ACYP2: variants seen among roughly 807,000 people sequenced by gnomAD.
The protein encoded by ACYP2 is acylphosphatase 2, also known as acylphosphatase-2.
In ACYP2, 12 loss-of-function variants were observed where a neutral mutation model predicts 11.2. That is an observed-to-expected ratio of 1.08 (90% CI 0.69 to 1.74). ACYP2 has a LOEUF of 1.74. ACYP2 is among the 40% of genes most tolerant of loss of function. The pLI is 0.00. For missense variants in ACYP2, 134 were observed against 101.9 expected (o/e 1.31, Z -1.35); for synonymous variants, 43 against 32.2 (o/e 1.33, Z -1.13).
intron 6 of ACYP2, among the ~76,000 whole-genome samples, chr2:54,222,482 G>A (rs552319180): frequency 4.0e-5 from 6 of 151,510 alleles, no homozygotes; most frequent in African/African-American, 7.3e-5. Flanking sequence ...CCCAGGAGGC[G>A]GAGGTTGCAG....
chr2:54,039,235 T>C (rs12616263), intron 2 of ACYP2, among the ~76,000 whole-genome samples: 23,478 of 147,978 alleles, frequency 0.16, 2,181 homozygotes, highest in East Asian at 0.27. Context: ...TTTTTTTTTT[T>C]CCCCAGCCTA....
intron 2 of ACYP2, among the ~76,000 whole-genome samples, chr2:53,977,196 C>T (rs529000669): frequency 2.6e-5 from 4 of 152,082 alleles, no homozygotes; most frequent in Non-Finnish European, 4.4e-5. Context: ...TACAGGCACC[C>T]GCCATCACGC....
chr2:54,113,412 T>G (rs1307610712), intron 4 of ACYP2, among the ~76,000 whole-genome samples: 1 of 152,040 alleles, frequency 6.6e-6, no homozygotes, highest in Non-Finnish European at 1.5e-5. Flanking sequence ...CCAGGTAATT[T>G]TTGTATTTTT....
At chr2:54,106,787 GTT>G (rs1348672578) in intron 4 of ACYP2, among the ~76,000 whole-genome samples, 1 of 152,112 alleles carries the variant, frequency 6.6e-6, no homozygotes, top group East Asian at 1.9e-4. Context: ...GTTTCACTGT[GTT>G]GGCCAGGCTG....
At chr2:54,028,450 T>G (rs1674410153) in intron 2 of ACYP2, among the ~76,000 whole-genome samples, 1 of 152,178 alleles carries the variant, frequency 6.6e-6, no homozygotes, top group South Asian at 2.1e-4. Flanking sequence ...TCAATCTTAT[T>G]TTTCTCTCTG....
chr2:54,198,757 T>G (rs1684624248), intron 6 of ACYP2, among the ~76,000 whole-genome samples: 1 of 152,232 alleles, frequency 6.6e-6, no homozygotes, highest in Non-Finnish European at 1.5e-5. Context: ...AGAAAACATT[T>G]AGCTCATATC....
At chr2:54,144,069 A>T (rs1681768427) in intron 6 of ACYP2, among the ~76,000 whole-genome samples, 1 of 152,114 alleles carries the variant, frequency 6.6e-6, no homozygotes, top group Admixed American at 6.5e-5. Flanking sequence ...TGCTGGGTTT[A>T]AGTGATGCTT....
In ACYP2 at chr2:54,258,824, TAAAGA is replaced by T. The variant is rs1462683879; in HGVS notation, c.405-45859_405-45855del. Among the ~76,000 whole-genome samples the T allele has an allele frequency of 2.0e-5, 3 of 152,270 alleles. No individual in the cohort carries two copies. The East Asian group carries it at 5.8e-4, about 29-fold the overall frequency. On this transcript the variant is annotated intron_variant, in intron 6 of 6. Coordinates refer to ENST00000607452, the MANE Select transcript of ACYP2 (RefSeq NM_001320586.2). ...TGAATACCTGAGACTGGGTAATTTA[TAAAGA>T]AAAGCTTATTTAACTCACAATTCTG...
intron 6 of ACYP2, among the ~76,000 whole-genome samples, chr2:54,201,672 T>G (rs1168469351): frequency 4.4e-5 from 5 of 112,546 alleles, no homozygotes; most frequent in African/African-American, 1.4e-4. Context: ...CTTTCTTTCT[T>G]TCTTTCTTTC....
At chr2:54,085,198 A>G (rs1396412707) in intron 4 of ACYP2, 1 of 152,096 alleles carries the variant, frequency 6.6e-6, no homozygotes, top group Non-Finnish European at 1.5e-5. Flanking sequence ...CGTCTGTGGG[A>G]TTTTTCTCCA....
At chr2:54,212,150 A>AAC (rs1223204531) in intron 6 of ACYP2, among the ~76,000 whole-genome samples, 2 of 152,148 alleles carry the variant, frequency 1.3e-5, no homozygotes, top group African/African-American at 4.8e-5. Context: ...TTTTTTTAAA[A>AAC]ATCTGAAGCT....
intron 4 of ACYP2, among the ~76,000 whole-genome samples, chr2:54,102,663 A>C (rs1678961351): frequency 1.2e-5 from 1 of 82,950 alleles, no homozygotes; most frequent in Admixed American, 1.2e-4. Flanking sequence ...AAAAAAAAAA[A>C]AAAAAAAAAA....
chr2:54,297,512 GAACA>G (rs1431684177), intron 6 of ACYP2, among the ~76,000 whole-genome samples: 1 of 151,886 alleles, frequency 6.6e-6, no homozygotes, highest in African/African-American at 2.4e-5. Context: ...AACAAAAAAT[GAACA>G]AACAAAAAAA....
At chr2:54,092,121 T>C (rs1370500017) in intron 4 of ACYP2, among the ~76,000 whole-genome samples, 2 of 151,894 alleles carry the variant, frequency 1.3e-5, no homozygotes, top group Non-Finnish European at 2.9e-5. Flanking sequence ...AGGTACTGGA[T>C]GGTTGAAGAA....
At chr2:54,291,651 A>G (rs1021472377) in intron 6 of ACYP2, among the ~76,000 whole-genome samples, 1 of 152,208 alleles carries the variant, frequency 6.6e-6, no homozygotes, top group Non-Finnish European at 1.5e-5. Context: ...CAGTGGAGAA[A>G]GAGGCAGCAG....
At chr2:53,993,519 G>A (rs925601095) in intron 2 of ACYP2, among the ~76,000 whole-genome samples, 3 of 151,550 alleles carry the variant, frequency 2.0e-5, no homozygotes, top group South Asian at 4.2e-4. Context: ...CCAACGTGGC[G>A]AAACCCCATC....
chr2:54,162,618 G>A (rs1010749709), intron 6 of ACYP2, among the ~76,000 whole-genome samples: 2 of 151,888 alleles, frequency 1.3e-5, no homozygotes, highest in Non-Finnish European at 2.9e-5. Flanking sequence ...GTTTTGAAAG[G>A]CTGTTTTGAA....
At chr2:53,991,503 T>A (rs1308716564) in intron 2 of ACYP2, among the ~76,000 whole-genome samples, 2 of 152,050 alleles carry the variant, frequency 1.3e-5, no homozygotes, top group East Asian at 1.9e-4. Context: ...CCTCCTAGGT[T>A]CAAGTGATTC....
At chr2:53,985,364 G>A (rs1381479947) in intron 2 of ACYP2, among the ~76,000 whole-genome samples, 24 of 152,074 alleles carry the variant, frequency 1.6e-4, no homozygotes, top group Admixed American at 1.6e-3. Flanking sequence ...GCTGCACCTG[G>A]CCAGGATTTA....
Sources: gnomAD v4.1 joint callset for allele counts (sites outside exome capture counted in the v4.1 genomes callset) on GRCh38, gnomAD v4.1.1 for gene constraint, MANE v1.5 for transcripts, NCBI Gene and HGNC (gene_info 2026-07-23, HGNC 2026-07-21) for gene names.